Variants in AK7 observed in about 807,000 individuals in gnomAD.
AK7 encodes adenylate kinase 7.
In AK7, 78 loss-of-function variants were observed where a neutral mutation model predicts 96.6. That is an observed-to-expected ratio of 0.81 (90% CI 0.67 to 0.97). The LOEUF is 0.97. Ranked by LOEUF, AK7 falls within the 50% of genes least tolerant of loss-of-function variation. AK7 has a pLI of 0.00. For synonymous variants in AK7, 302 were observed against 317.2 expected, an observed-to-expected ratio of 0.95 and a Z score of 0.51; for missense variants, 855 against 887.9, an observed-to-expected ratio of 0.96 and a Z score of 0.47.
chr14:96,465,410 C>G (rs1894506504), intron 12 of AK7, among the ~76,000 whole-genome samples: 1 of 151,584 alleles, frequency 6.6e-6, no homozygotes, highest in Admixed American at 6.6e-5. Flanking sequence ...TTGCAATGAG[C>G]CAAGATCATG....
intron 5 of AK7, among the ~76,000 whole-genome samples, chr14:96,435,691 T>A (rs1396075093): frequency 6.6e-6 from 1 of 151,892 alleles, no homozygotes; most frequent in Non-Finnish European, 1.5e-5. Context: ...GGTGGCGAGG[T>A]TTGGAGGCAC....
chr14:96,473,368 T>C (rs886232727), intron 14 of AK7, among the ~76,000 whole-genome samples: 1 of 151,748 alleles, frequency 6.6e-6, no homozygotes, highest in Non-Finnish European at 1.5e-5. Flanking sequence ...AGACGGGGTT[T>C]CACCATGTTA....
chr14:96,474,626 A>G (rs1216218768), intron 14 of AK7, among the ~76,000 whole-genome samples: 1 of 152,114 alleles, frequency 6.6e-6, no homozygotes, highest in Non-Finnish European at 1.5e-5. Flanking sequence ...ACCGGTCTCA[A>G]AAAAATTAAT....
chr14:96,462,716 G>A (rs1355034657), intron 12 of AK7, among the ~76,000 whole-genome samples: 1 of 152,186 alleles, frequency 6.6e-6, no homozygotes, highest in Non-Finnish European at 1.5e-5. Flanking sequence ...AGAAAAGTCT[G>A]TAAATGTACC....
intron 12 of AK7, among the ~76,000 whole-genome samples, chr14:96,458,948 C>T: frequency 1.1e-5 from 1 of 88,850 alleles, no homozygotes; most frequent in African/African-American, 5.1e-5. Flanking sequence ...AGGTGAAGTA[C>T]AGAAATTATA....
At chr14:96,407,344 A>C (rs1236281713) in intron 3 of AK7, among the ~76,000 whole-genome samples, 2 of 152,190 alleles carry the variant, frequency 1.3e-5, no homozygotes, top group Non-Finnish European at 2.9e-5. Context: ...AGTAACACAA[A>C]GTTTGGAATA....
chr14:96,427,684 A>G (rs1892108361), intron 5 of AK7, among the ~76,000 whole-genome samples: 1 of 152,102 alleles, frequency 6.6e-6, no homozygotes, highest in South Asian at 2.1e-4. Flanking sequence ...GTTCTCCACT[A>G]TTGTCCCTTT....
chr14:96,457,971 G>A (rs1271534630), intron 11 of AK7, 112 bp from the exon 12 acceptor site: 32 of 1,463,392 alleles, frequency 2.2e-5, no homozygotes, highest in Non-Finnish European at 2.5e-5. Flanking sequence ...CTGTCATAGG[G>A]TACCTGTCCT....
intron 1 of AK7, among the ~76,000 whole-genome samples, chr14:96,395,837 G>A (rs141389735): frequency 1.1e-5 from 1 of 87,706 alleles, no homozygotes; most frequent in Non-Finnish European, 2.0e-5. Flanking sequence ...TTTTGAGACA[G>A]AGTCTTGCTC....
intron 5 of AK7, among the ~76,000 whole-genome samples, chr14:96,422,445 C>T (rs1891757024): frequency 6.6e-6 from 1 of 152,182 alleles, no homozygotes; most frequent in Admixed American, 6.5e-5. Flanking sequence ...CTGAAGAGGC[C>T]TAGAAGAGCC....
Position 96,451,559 on chromosome 14 carries a change from A to G in AK7, c.1087A>G (p.Arg363Gly). ...NTILKEYKQS[R>G]GLMPIKICIL... The stretch of plus-strand genomic sequence containing the variant: ...TATCCTCAAGGAGTACAAGCAAAGC[A>G]GAGGATTGATGGTAACTATCACTGT... The change falls in exon 10 of 18, where the codon AGA (arginine) becomes GGA (glycine). Residue 363 changes from arginine (R) to glycine (G), a missense_variant. Physicochemically the swap from Arg to Gly is moderately radical, Grantham distance 125. Coordinates refer to ENST00000267584, the MANE Select transcript of AK7 (RefSeq NM_152327.5). 2.0e-6 allele frequency: 3 copies of G among 1,534,766 alleles called. No individual in the cohort carries two copies. The highest frequency in any genetic ancestry group is 2.5e-5 in the South Asian group (2 of 78,828).
chr14:96,429,872 T>C (rs1316426707), intron 5 of AK7, among the ~76,000 whole-genome samples: 1 of 152,188 alleles, frequency 6.6e-6, no homozygotes, highest in Non-Finnish European at 1.5e-5. Flanking sequence ...GCTGAGACAA[T>C]GGGGTTTTCT....
At position 96,471,484 on chromosome 14, in the gene AK7, T is replaced by G; in HGVS notation, c.1364T>G (p.Leu455Arg). The G allele has an allele frequency of 6.9e-7, 1 of 1,447,304 alleles. No individual in the cohort carries two copies. The highest frequency in any genetic ancestry group is 1.3e-5 in the South Asian group (1 of 79,444). 89.7% of individuals were successfully genotyped at this position (1,447,304 alleles called of 1,614,324 possible). The change falls in exon 13 of 18, where the codon CTA becomes CGA. Residue 455 changes from leucine to arginine, a missense_variant. Leu to Arg is a moderately radical substitution (Grantham distance 102). Coordinates refer to ENST00000267584, the MANE Select transcript of AK7 (RefSeq NM_152327.5). Reference protein sequence around the residue: ...KESMEQNAGQLDDQYIIRFMK... With the variant: ...KESMEQNAGQRDDQYIIRFMK... ...ATATATGTTTTTTTATCAGGTCAAC[T>G]AGACGATCAATATATAATTAGATTT...
intron 11 of AK7, chr14:96,456,748 G>A (rs1029444990): frequency 3.6e-5 from 11 of 308,880 alleles, no homozygotes; most frequent in Non-Finnish European, 4.4e-5. Flanking sequence ...TTTGGCACCC[G>A]CAATGAACAC....
intron 16 of AK7, among the ~76,000 whole-genome samples, chr14:96,486,554 C>T (rs1304875024): frequency 6.6e-6 from 1 of 151,876 alleles, no homozygotes; most frequent in African/African-American, 2.4e-5. Flanking sequence ...ATTATGATTC[C>T]CAAGAGAGAG....
intron 15 of AK7, among the ~76,000 whole-genome samples, chr14:96,478,935 G>T (rs1450880345): frequency 8.6e-5 from 13 of 151,064 alleles, no homozygotes; most frequent in Non-Finnish European, 1.3e-4. Flanking sequence ...GGGGGATGGA[G>T]TCTCGCTCAG....
At chr14:96,468,830 A>T (rs1048871960) in intron 12 of AK7, among the ~76,000 whole-genome samples, 19 of 145,544 alleles carry the variant, frequency 1.3e-4, no homozygotes, top group Non-Finnish European at 2.1e-4. Flanking sequence ...GATACATTTA[A>T]TTTTTTTTTT....
chr14:96,442,878 C>T, intron 7 of AK7, 60 bp downstream of exon 7: 1 of 1,489,136 alleles, frequency 6.7e-7, no homozygotes, highest in South Asian at 1.1e-5. Context: ...TGTTTGTAGC[C>T]TAATACTTTT....
At chr14:96,396,088 T>C (rs1390727455) in intron 1 of AK7, among the ~76,000 whole-genome samples, 5 of 152,120 alleles carry the variant, frequency 3.3e-5, no homozygotes, top group African/African-American at 1.2e-4. Flanking sequence ...TGATTATTTT[T>C]TATAACAATA....
Sources: allele counts gnomAD v4.1 joint callset (sites outside exome capture counted in the v4.1 genomes callset), GRCh38; gene constraint gnomAD v4.1.1; transcripts MANE v1.5; gene names NCBI Gene and HGNC (gene_info 2026-07-23, HGNC 2026-07-21).